The following RIT2 variants were observed in gnomAD, a reference collection of about 807,000 sequenced individuals.
The protein encoded by RIT2 is GTP-binding protein Rit2.
A neutral mutation model predicts 23.7 loss-of-function variants in RIT2; 24 were observed. The observed-to-expected ratio is 1.01, with a 90% CI of 0.73 to 1.43. The LOEUF (loss-of-function observed/expected upper bound fraction) is 1.43. RIT2 is among the 40% of genes most tolerant of loss of function. The pLI is 0.00. For missense variants in RIT2, 236 were observed against 266.9 expected (o/e 0.88, Z 0.81); for synonymous variants, 107 against 91.1 (o/e 1.17, Z -0.99).
chr18:42,837,153 CTT>C lies in RIT2; in HGVS notation c.426+86417_426+86418del, dbSNP rs570701535. On this transcript the variant is annotated intron_variant, in intron 4 of 4. Transcript: ENST00000326695. Reference sequence around the variant, plus strand: ...TAAAAATTTCTTTTTTTTTCTTTTTCTTTTTTTTTTTTTTTTTTTTTTTTTTT... The same window carrying C: ...TAAAAATTTCTTTTTTTTTCTTTTTCTTTTTTTTTTTTTTTTTTTTTTTTT... Among the ~76,000 whole-genome samples, 206 of 51,688 alleles carry C rather than the reference CTT, an allele frequency of 4.0e-3. 1 individual carries two copies. Among genetic ancestry groups the C allele is most frequent in the Admixed American group, 8.4e-3 (23 of 2,724 alleles). 33.9% of individuals were successfully genotyped at this position (51,688 alleles called of 152,430 possible).
intron 1 of RIT2, among the ~76,000 whole-genome samples, chr18:43,084,034 C>T (rs934297044): frequency 6.6e-6 from 1 of 151,698 alleles, no homozygotes; most frequent in Non-Finnish European, 1.5e-5. Context: ...AAATAAATTT[C>T]CAAAAAATGC....
chr18:43,075,318 C>T (rs566933157), intron 1 of RIT2, among the ~76,000 whole-genome samples: 1 of 152,116 alleles, frequency 6.6e-6, no homozygotes, highest in East Asian at 1.9e-4. Context: ...ATGATACTAG[C>T]AAAAGAAAAC....
At chr18:42,754,480 T>C (rs1452485565) in intron 4 of RIT2, among the ~76,000 whole-genome samples, 3 of 152,172 alleles carry the variant, frequency 2.0e-5, no homozygotes, top group South Asian at 2.1e-4. Context: ...TTGCTTTTTT[T>C]CCCCTATCTG....
chr18:42,948,791 C>T (rs143026043), intron 3 of RIT2, among the ~76,000 whole-genome samples: 247 of 152,152 alleles, frequency 1.6e-3, no homozygotes, highest in African/African-American at 5.6e-3. Context: ...GCATGCAAAA[C>T]GCTGTGATGG....
At chr18:43,046,278 T>C (rs1258983603) in intron 1 of RIT2, among the ~76,000 whole-genome samples, 5 of 152,234 alleles carry the variant, frequency 3.3e-5, no homozygotes, top group Non-Finnish European at 5.9e-5. Flanking sequence ...TACATAATTA[T>C]CTGACACAAC....
At chr18:42,870,015 TTTTC>T (rs1465155264) in intron 4 of RIT2, among the ~76,000 whole-genome samples, 1 of 152,180 alleles carries the variant, frequency 6.6e-6, no homozygotes, top group Admixed American at 6.5e-5. Context: ...CTTTCTTCTG[TTTTC>T]TTTGTTTAGT....
intron 4 of RIT2, among the ~76,000 whole-genome samples, chr18:42,913,770 CA>C (rs1568028892): frequency 6.6e-6 from 1 of 151,890 alleles, no homozygotes; most frequent in Non-Finnish European, 1.5e-5. Flanking sequence ...GTAACAAGGA[CA>C]AGTGATCTAT....
intron 4 of RIT2, among the ~76,000 whole-genome samples, chr18:42,780,740 T>G (rs750657796): frequency 6.6e-6 from 1 of 152,042 alleles, no homozygotes; most frequent in Non-Finnish European, 1.5e-5. Flanking sequence ...TGGTCAGTCA[T>G]GACTGAATTC....
intron 4 of RIT2, among the ~76,000 whole-genome samples, chr18:42,748,028 G>T (rs754977593): frequency 1.3e-5 from 2 of 152,002 alleles, no homozygotes; most frequent in Middle Eastern, 3.4e-3. Context: ...CAAAAACAAA[G>T]ATAAATACTT....
chr18:43,005,679 C>T (rs1170770134), intron 2 of RIT2, among the ~76,000 whole-genome samples: 2 of 151,782 alleles, frequency 1.3e-5, no homozygotes, highest in South Asian at 4.2e-4. Context: ...AAAAAAAATG[C>T]CCCCTAAGGC....
At chr18:43,100,819 C>T (rs1913665618) in intron 1 of RIT2, among the ~76,000 whole-genome samples, 1 of 151,900 alleles carries the variant, frequency 6.6e-6, no homozygotes, top group Admixed American at 6.6e-5. Flanking sequence ...AAAAGAAGAT[C>T]GGTGGTTTAG....
chr18:42,938,344 A>G (rs1344685482), intron 3 of RIT2, among the ~76,000 whole-genome samples: 1 of 152,232 alleles, frequency 6.6e-6, no homozygotes, highest in African/African-American at 2.4e-5. Context: ...GTTCGAACAC[A>G]TCTATTTCAA....
intron 2 of RIT2, among the ~76,000 whole-genome samples, chr18:42,991,535 C>G (rs1910848008): frequency 6.6e-6 from 1 of 152,202 alleles, no homozygotes; most frequent in Non-Finnish European, 1.5e-5. Flanking sequence ...ATCATATCCC[C>G]TGTGACCTGC....
chr18:42,928,427 C>T (rs1173119816), intron 3 of RIT2, among the ~76,000 whole-genome samples: 4 of 151,990 alleles, frequency 2.6e-5, no homozygotes, highest in African/African-American at 4.8e-5. Flanking sequence ...TTTCAGGTAA[C>T]CTCACTTCCA....
rs990427232 is a variant in RIT2, at chr18:42,875,709, C to T, written c.426+47863G>A. On this transcript the variant is annotated intron_variant, in intron 4 of 4. Transcript: ENST00000326695. ...CAGAAAAAATGGAAAATATAATAGA[C>T]CTATCAGTGAAGCCACCCTTTTTGT... 5.3e-5 allele frequency among the ~76,000 whole-genome samples: 8 copies of T among 152,028 alleles called. 2 individuals are homozygous for T. Among genetic ancestry groups the T allele is most frequent in the Admixed American group, 5.3e-4 (8 of 15,224 alleles).
intron 4 of RIT2, among the ~76,000 whole-genome samples, chr18:42,850,587 T>C (rs752014203): frequency 3.3e-5 from 5 of 152,232 alleles, no homozygotes; most frequent in Non-Finnish European, 5.9e-5. Flanking sequence ...AAAACACTTA[T>C]AATTGATTTT....
At chr18:43,105,197 C>G (rs1913783916) in intron 1 of RIT2, among the ~76,000 whole-genome samples, 1 of 150,854 alleles carries the variant, frequency 6.6e-6, no homozygotes. Flanking sequence ...GGATTGTTTA[C>G]TAAGGTAACT....
intron 4 of RIT2, among the ~76,000 whole-genome samples, chr18:42,769,256 G>A (rs544830305): frequency 1.2e-4 from 18 of 152,310 alleles, no homozygotes; most frequent in African/African-American, 3.8e-4. Context: ...AGTTATAGGA[G>A]CTAATACATT....
At chr18:42,999,023 G>A (rs1270777949) in intron 2 of RIT2, among the ~76,000 whole-genome samples, 3 of 151,996 alleles carry the variant, frequency 2.0e-5, no homozygotes, top group Non-Finnish European at 2.9e-5. Context: ...GACTACAGAC[G>A]TGAAGGCTTT....
Sources: allele counts gnomAD v4.1 joint callset (sites outside exome capture counted in the v4.1 genomes callset), GRCh38; gene constraint gnomAD v4.1.1; transcripts MANE v1.5; gene names NCBI Gene and HGNC (gene_info 2026-07-23, HGNC 2026-07-21).